The following MYLK variants were observed in gnomAD, a reference collection of about 807,000 sequenced individuals.
The protein encoded by MYLK is myosin light chain kinase, also known as myosin light chain kinase, smooth muscle.
A neutral mutation model predicts 203.4 loss-of-function variants in MYLK; 106 were observed. That is an observed-to-expected ratio of 0.52 (90% CI 0.45 to 0.61). The LOEUF is 0.61. MYLK is among the 20% of genes least tolerant of loss of function. The pLI is 0.00. For missense variants in MYLK, 2,072 were observed against 2,442.3 expected, an observed-to-expected ratio of 0.85 and a Z score of 3.20; for synonymous variants, 867 against 959.5, an observed-to-expected ratio of 0.90 and a Z score of 1.78.
intron 32 of MYLK, among the ~76,000 whole-genome samples, chr3:123,619,791 C>T (rs1294906465): frequency 6.6e-6 from 1 of 152,116 alleles, no homozygotes; most frequent in African/African-American, 2.4e-5. Flanking sequence ...AACAAAACCA[C>T]AAAGATGGTA....
chr3:123,807,803 T>C (rs927446829), intron 3 of MYLK, among the ~76,000 whole-genome samples: 1 of 152,240 alleles, frequency 6.6e-6, no homozygotes, highest in Non-Finnish European at 1.5e-5. Flanking sequence ...AAAACCTTGC[T>C]GCCCTTCTCC....
chr3:123,812,250 T>C (rs1237574221), intron 3 of MYLK, among the ~76,000 whole-genome samples: 1 of 152,192 alleles, frequency 6.6e-6, no homozygotes, highest in Non-Finnish European at 1.5e-5. Context: ...ACTGAATTCA[T>C]TATTGACAGC....
At chr3:123,675,244 C>A (rs540970341) in intron 20 of MYLK, among the ~76,000 whole-genome samples, 33 of 152,312 alleles carry the variant, frequency 2.2e-4, no homozygotes, top group Middle Eastern at 6.8e-3. Context: ...GTGAAATAGC[C>A]CAATAAAAAC....
chr3:123,847,749 C>T (rs1397127421), intron 2 of MYLK, among the ~76,000 whole-genome samples: 1 of 152,058 alleles, frequency 6.6e-6, no homozygotes, highest in Non-Finnish European at 1.5e-5. Context: ...ATTCCTTTCA[C>T]AAACTCTACT....
intron 5 of MYLK, among the ~76,000 whole-genome samples, chr3:123,749,194 G>A (rs1325231854): frequency 3.3e-5 from 5 of 151,762 alleles, no homozygotes; most frequent in South Asian, 4.2e-4. Flanking sequence ...TAGGAGGATC[G>A]CTTGAGCCCA....
intron 18 of MYLK, 25 bp from the exon 19 acceptor site, chr3:123,692,876 A>T (rs2060737501): frequency 1.3e-6 from 2 of 1,596,864 alleles, no homozygotes; most frequent in Admixed American, 3.3e-5. Context: ...TTGTGGAGTG[A>T]ACCAGGTGTG....
chr3:123,783,827 T>C (rs1049570852), intron 4 of MYLK, among the ~76,000 whole-genome samples: 2 of 152,252 alleles, frequency 1.3e-5, no homozygotes, highest in African/African-American at 2.4e-5. Flanking sequence ...TTTCTTGATT[T>C]AAGAATTTAG....
rs141655861 is a variant in MYLK at position 123,695,878 on chromosome 3, G to C, written c.3449-3027C>G. ...CACCACAGAGCTCCCCTCAGCTCAC[G>C]GGACCATCGGCCTCCCACCACCCCT... On this transcript the variant is annotated intron_variant, in intron 18 of 33. Transcript: ENST00000360304. Among the ~76,000 whole-genome samples the C allele has an allele frequency of 1.5e-3, 233 of 152,252 alleles. 1 individual carries two copies. The highest frequency in any genetic ancestry group is 8.5e-3 in the South Asian group (41 of 4,822).
At chr3:123,831,465 C>T in intron 3 of MYLK, 83 bp downstream of exon 3, 1 of 1,285,638 alleles carries the variant, frequency 7.8e-7, no homozygotes, top group Non-Finnish European at 1.0e-6. Flanking sequence ...CCTAGAAAGA[C>T]ACACAGCTCC....
At chr3:123,739,891 C>G (rs371216833) in intron 6 of MYLK, 62 bp downstream of exon 6, 2 of 1,578,018 alleles carry the variant, frequency 1.3e-6, no homozygotes, top group African/African-American at 2.7e-5. Context: ...CCAGACCTAT[C>G]CTGCTCAAGT....
At chr3:123,875,745 G>T (rs185853994) in intron 2 of MYLK, among the ~76,000 whole-genome samples, 1 of 152,212 alleles carries the variant, frequency 6.6e-6, no homozygotes, top group Admixed American at 6.5e-5. Context: ...GTGTACCTGG[G>T]AAAATGCTGA....
rs1375643348 is a variant in MYLK, at chr3:123,629,496, T to C, written c.5092A>G (p.Asn1698Asp). Residue 1698 changes from asparagine to aspartate, a missense_variant, in exon 30 of 34, where the codon AAT (asparagine) becomes GAT (aspartate). This residue lies in a region of MYLK where 524 missense variants were observed against 782.4 expected (regional missense o/e 0.67). Transcript: ENST00000360304. This position sits in a 1 kb window ranked among gnomAD's most constrained non-coding sequence, Gnocchi z 4.4. ...ISDDAKDFIS[N>D]LLKKDMKNRL... ...TACTTCATATCTTTCTTCAGCAGATTGCTGATGAAATCCTTGGCATCGTCG... is the reference window on the plus strand; with the variant it reads ...TACTTCATATCTTTCTTCAGCAGATCGCTGATGAAATCCTTGGCATCGTCG... 6.2e-6 allele frequency: 10 copies of C among 1,614,188 alleles called. No homozygotes were observed. The highest frequency in any genetic ancestry group is 7.6e-6 in the Non-Finnish European group (9 of 1,180,046).
chr3:123,738,828 A>G (rs2062764390), intron 7 of MYLK, 69 bp downstream of exon 7: 2 of 1,544,600 alleles, frequency 1.3e-6, no homozygotes, highest in Non-Finnish European at 1.8e-6. Flanking sequence ...AGTCTCGGGT[A>G]TGTCTATTAG....
At chr3:123,630,066 T>C (rs2058345939) in intron 29 of MYLK, among the ~76,000 whole-genome samples, 1 of 150,332 alleles carries the variant, frequency 6.7e-6, no homozygotes, top group Admixed American at 6.6e-5. Flanking sequence ...TTCCCACCTC[T>C]CTCCACACAC....
At chr3:123,736,959 G>A (rs943244403) in intron 8 of MYLK, among the ~76,000 whole-genome samples, 9 of 152,258 alleles carry the variant, frequency 5.9e-5, no homozygotes, top group Admixed American at 2.6e-4. Flanking sequence ...GTGGCCGGGC[G>A]TGGTGGCTCA....
At chr3:123,775,694 G>C (rs2064046669) in intron 4 of MYLK, among the ~76,000 whole-genome samples, 1 of 152,164 alleles carries the variant, frequency 6.6e-6, no homozygotes, top group African/African-American at 2.4e-5. Context: ...GATATGCAGA[G>C]AAGAAAAGAG....
intron 20 of MYLK, among the ~76,000 whole-genome samples, chr3:123,673,190 G>T (rs2059971709): frequency 6.8e-6 from 1 of 146,042 alleles, no homozygotes; most frequent in African/African-American, 2.6e-5. Context: ...TTGACACAAG[G>T]CCTTGCTGTG....
At chr3:123,764,315 T>G (rs920917033) in intron 4 of MYLK, among the ~76,000 whole-genome samples, 72 of 152,334 alleles carry the variant, frequency 4.7e-4, no homozygotes, top group African/African-American at 1.5e-3. Flanking sequence ...AATACAAAGT[T>G]CCAGGTGCAC....
intron 11 of MYLK, among the ~76,000 whole-genome samples, chr3:123,726,410 G>T (rs2062288187): frequency 6.6e-6 from 1 of 152,176 alleles, no homozygotes; most frequent in South Asian, 2.1e-4. Flanking sequence ...CGAGCCTCTG[G>T]AGAGCTCCTT....
Sources: gnomAD v4.1 joint callset for allele counts (sites outside exome capture counted in the v4.1 genomes callset) on GRCh38, gnomAD v4.1.1 for gene constraint, gnomAD v4.1.1 regional missense constraint, Gnocchi (gnomAD v3.1) non-coding constraint, MANE v1.5 for transcripts, NCBI Gene and HGNC (gene_info 2026-07-23, HGNC 2026-07-21) for gene names.